Variants in EGLN2 observed in about 807,000 individuals in gnomAD.
EGLN2 encodes the protein prolyl hydroxylase EGLN2.
EGLN2 carries 15 observed loss-of-function variants against 38.2 expected under a neutral mutation model. The observed-to-expected ratio is 0.39, with a 90% CI of 0.26 to 0.60. EGLN2 has a LOEUF of 0.60. Among genes scored for constraint, EGLN2 ranks in the 20% least tolerant of loss-of-function variants. EGLN2 has a pLI of 0.50. For synonymous variants in EGLN2, 284 were observed against 237.4 expected (o/e 1.20, Z -1.81); for missense variants, 492 against 570.4 (o/e 0.86, Z 1.40).
Position 40,806,675 on chromosome 19 carries a change from GT to G in EGLN2, c.963+2del. 2 of 1,613,950 alleles carry G rather than the reference GT, an allele frequency of 1.2e-6. No individual in the cohort carries two copies. The highest frequency in any genetic ancestry group is 1.7e-6 in the Non-Finnish European group (2 of 1,179,902). On this transcript the variant is annotated splice_donor_variant, in intron 3 of 5. Transcript: ENST00000303961. LOFTEE classifies it high-confidence loss of function. ...CCTGAATCAGAACTGGGACGTTAAG[GT>G]AGGGGTGAGGGTGAGGGTGAGGGTG...
chr19:40,801,029 A>G lies in EGLN2; in HGVS notation c.457A>G (p.Ser153Gly). ...EAEREGGMSCSCSSGSGEASA... is the reference protein window; with the variant it reads ...EAEREGGMSCGCSSGSGEASA... ...AGAGCGGGAGGGTGGCATGAGCTGC[A>G]GCTGCAGCAGTGGCAGTGGTGAGGC... is the stretch of plus-strand genomic sequence containing the variant. Residue 153 changes from serine to glycine, a missense_variant, in exon 2 of 6, where the codon AGC becomes GGC. By Grantham distance (56) the Ser-to-Gly change is moderately conservative. Transcript: ENST00000303961. 1 of 1,613,170 alleles carries G rather than the reference A, an allele frequency of 6.2e-7. No individual in the cohort carries two copies. Among genetic ancestry groups the G allele is most frequent in the Non-Finnish European group, 8.5e-7 (1 of 1,179,846 alleles).
Position 40,800,788 on chromosome 19 carries a change from T to G in EGLN2, c.216T>G (p.Thr72=). ...CCAGAGCCACAGCCACCTCTACCAC[T>G]GCCAGCCCTCTTCGGGACGGTTTTG... ...GTPRATATST[T]ASPLRDGFGG... Residue 72 remains threonine, a synonymous_variant, in exon 2 of 6, where the codon ACT becomes ACG. Coordinates refer to ENST00000303961, the MANE Select transcript of EGLN2 (RefSeq NM_080732.4). The G allele has an allele frequency of 6.2e-7, 1 of 1,613,576 alleles. No individual in the cohort carries two copies. The highest frequency in any genetic ancestry group is 1.1e-5 in the South Asian group (1 of 91,050).
intron 3 of EGLN2, 100 bp from the exon 4 acceptor site, chr19:40,807,038 T>G (rs1289596645): frequency 1.9e-5 from 30 of 1,555,676 alleles, no homozygotes; most frequent in Non-Finnish European, 2.6e-5. Flanking sequence ...GAGGGAGTGA[T>G]GCAGGCAGAC....
At chr19:40,805,520 G>C (rs2083294882) in intron 2 of EGLN2, 1 of 152,252 alleles carries the variant, frequency 6.6e-6, no homozygotes, top group Non-Finnish European at 1.5e-5. Context: ...CCTGAGACCA[G>C]GAAGTCACCT....
At chr19:40,802,284 G>A (rs777165013) in intron 2 of EGLN2, among the ~76,000 whole-genome samples, 7 of 152,122 alleles carry the variant, frequency 4.6e-5, no homozygotes, top group Non-Finnish European at 8.8e-5. Flanking sequence ...CCCCACTGTG[G>A]CATCTGCATC....
intron 4 of EGLN2, 94 bp downstream of exon 4, chr19:40,807,368 G>T: frequency 1.2e-6 from 2 of 1,604,340 alleles, no homozygotes; most frequent in Non-Finnish European, 1.7e-6. Context: ...ACGAAGTATT[G>T]AGAGGGGGCC....
In EGLN2 at chr19:40,800,989, A is replaced by G. The variant is rs561741910; in HGVS notation, c.417A>G (p.Gln139=). ...PSPSKRPWAR[Q]ENQEAEREGG... The stretch of plus-strand genomic sequence containing the variant: ...CCAGCAAACGGCCCTGGGCCAGGCA[A>G]GAGAACCAGGAGGCAGAGCGGGAGG... The change falls in exon 2 of 6, where the codon CAA becomes CAG. Residue 139 remains glutamine, a synonymous_variant. Coordinates refer to ENST00000303961, the MANE Select transcript of EGLN2 (RefSeq NM_080732.4). 7.1e-5 allele frequency: 114 copies of G among 1,612,768 alleles called. No homozygotes were observed. Among genetic ancestry groups the G allele is most frequent in the Non-Finnish European group, 9.2e-5 (108 of 1,179,650 alleles).
At position 40,807,487 on chromosome 19, in the gene EGLN2, C is replaced by T. The variant is rs35362523; in HGVS notation, c.1104C>T (p.Tyr368=). 153 of 1,614,110 alleles carry T rather than the reference C, an allele frequency of 9.5e-5. No individual in the cohort carries two copies. In the African/African-American group the frequency reaches 9.9e-4, roughly 10 times the overall value. The change falls in exon 5 of 6, where the codon TAC becomes TAT. Residue 368 remains tyrosine (Y), a synonymous_variant. Coordinates refer to ENST00000303961, the MANE Select transcript of EGLN2 (RefSeq NM_080732.4). ...HEVKPAYATR[Y]AITVWYFDAK... ...GTCCAACCACCCTGGTCTCCAGGTA[C>T]GCCATCACTGTCTGGTATTTTGATG...
At chr19:40,800,240 C>T (rs2083243652) in intron 1 of EGLN2, 99 bp from the exon 2 acceptor site, 1 of 294,908 alleles carries the variant, frequency 3.4e-6, no homozygotes, top group African/African-American at 2.1e-5. Context: ...CAAGTCTGTC[C>T]TGGTCGTCTT....
In EGLN2 at chr19:40,800,392, C is replaced by A; in HGVS notation, c.-181C>A. On this transcript the variant is annotated 5_prime_UTR_variant, in exon 2 of 6. Transcript: ENST00000303961. The stretch of plus-strand genomic sequence containing the variant: ...TTAGGGACCGCAGAGGACTTGGGGA[C>A]CAGCAAGCAACCCCCAGGGCACGAG... The A allele has an allele frequency of 1.1e-6, 1 of 937,644 alleles. No homozygotes were observed. The highest frequency in any genetic ancestry group is 1.5e-6 in the Non-Finnish European group (1 of 649,950). 58.1% of individuals were successfully genotyped at this position (937,644 alleles called of 1,614,324 possible).
chr19:40,806,429 C>A lies in EGLN2; in HGVS notation c.844-126C>A, dbSNP rs1433186364. 7 of 1,513,450 alleles carry A rather than the reference C, an allele frequency of 4.6e-6. No homozygotes were observed. In the African/African-American group the frequency reaches 5.5e-5, roughly 12 times the overall value. 93.8% of individuals were successfully genotyped at this position (1,513,450 alleles called of 1,614,324 possible). A position where few individuals can be genotyped will look rare whatever the true frequency, so the allele number is the denominator to read the frequency against. ...AGTCTTTTGGGGCAGGAGCTTGGAACCCTTGACCCAAGGAGTCATGGGGAA... is the reference window on the plus strand; with the variant it reads ...AGTCTTTTGGGGCAGGAGCTTGGAAACCTTGACCCAAGGAGTCATGGGGAA... On this transcript the variant is annotated intron_variant, in intron 2 of 5. Coordinates refer to ENST00000303961, the MANE Select transcript of EGLN2 (RefSeq NM_080732.4).
At position 40,801,160 on chromosome 19, in the gene EGLN2, C is replaced by G; in HGVS notation, c.588C>G (p.Ser196Arg). 3 of 1,612,966 alleles carry G rather than the reference C, an allele frequency of 1.9e-6. No homozygotes were observed. The highest frequency in any genetic ancestry group is 2.2e-5 in the South Asian group (2 of 91,090). ...MRYYGICVKD[S>R]FLGAALGGRV... ...ACTACGGCATCTGCGTCAAGGACAG[C>G]TTCCTGGGGGCAGCACTGGGCGGTC... The change falls in exon 2 of 6, where the codon AGC (serine) becomes AGG (arginine). Residue 196 changes from serine (S) to arginine (R), a missense_variant. Physicochemically the swap from Ser to Arg is moderately radical, Grantham distance 110 (BLOSUM62 -1). Around this residue, in one of 2 missense-constraint regions of EGLN2, gnomAD observed 378 missense variants for 386.2 expected, o/e 0.98. Coordinates refer to ENST00000303961, the MANE Select transcript of EGLN2 (RefSeq NM_080732.4).
Position 40,808,042 on chromosome 19 carries a change from C to T in EGLN2, c.*178C>T. On this transcript the variant is annotated 3_prime_UTR_variant, in exon 6 of 6. Transcript: ENST00000303961. ...AGGAGGAGAAGAGACCTTTGCTGCC[C>T]CATCATGGGGGCTGGGGTTGTCACC... 6.1e-6 allele frequency: 4 copies of T among 657,984 alleles called. No individual in the cohort carries two copies. The South Asian group carries it at 7.5e-5, about 12-fold the overall frequency. The allele number at this position is 657,984 out of a possible 1,614,324, so 40.8% of individuals were successfully genotyped here.
In EGLN2 at chr19:40,807,529, A is replaced by T. The variant is rs748480774; in HGVS notation, c.1146A>T (p.Ala382=). 1 of 1,614,088 alleles carries T rather than the reference A, an allele frequency of 6.2e-7. No homozygotes were observed. The highest frequency in any genetic ancestry group is 1.3e-5 in the African/African-American group (1 of 74,936). Residue 382 remains alanine (A), a synonymous_variant, in exon 5 of 6, where the codon GCA becomes GCT. Transcript: ENST00000303961. ...VWYFDAKERA[A]AKDKYQLASG... Reference sequence around the variant, plus strand: ...ATTTTGATGCCAAGGAGCGGGCAGCAGCCAAAGACAAGTATCAGCTAGGTA... The same window carrying T: ...ATTTTGATGCCAAGGAGCGGGCAGCTGCCAAAGACAAGTATCAGCTAGGTA...
Position 40,807,980 on chromosome 19 carries a change from G to T in EGLN2, c.*116G>T, listed in dbSNP as rs2083318300. On this transcript the variant is annotated 3_prime_UTR_variant, in exon 6 of 6. Coordinates refer to ENST00000303961, the MANE Select transcript of EGLN2 (RefSeq NM_080732.4). ...CTGCTTCTGACTTTGCCTCTGTCCT[G>T]CCTGGTGTGGAGGGCTCTGTCTGTT... is the stretch of plus-strand genomic sequence containing the variant. 2.9e-6 allele frequency: 3 copies of T among 1,025,480 alleles called. No individual in the cohort carries two copies. The highest frequency in any genetic ancestry group is 2.9e-6 in the Non-Finnish European group (2 of 680,244). The allele number at this position is 1,025,480 out of a possible 1,614,324, so 63.5% of individuals were successfully genotyped here. A position where few individuals can be genotyped will look rare whatever the true frequency, so the allele number is the denominator to read the frequency against.
chr19:40,807,992 G>T lies in EGLN2; in HGVS notation c.*128G>T. The T allele has an allele frequency of 1.1e-6, 1 of 914,656 alleles. No homozygotes were observed. 56.7% of individuals were successfully genotyped at this position (914,656 alleles called of 1,614,324 possible). Reference sequence around the variant, plus strand: ...TTGCCTCTGTCCTGCCTGGTGTGGAGGGCTCTGTCTGTTGCTGAGGACCAA... The same window carrying T: ...TTGCCTCTGTCCTGCCTGGTGTGGATGGCTCTGTCTGTTGCTGAGGACCAA... On this transcript the variant is annotated 3_prime_UTR_variant, in exon 6 of 6. Coordinates refer to ENST00000303961, the MANE Select transcript of EGLN2 (RefSeq NM_080732.4).
At chr19:40,803,565 G>C (rs1033687686) in intron 2 of EGLN2, among the ~76,000 whole-genome samples, 2 of 152,118 alleles carry the variant, frequency 1.3e-5, no homozygotes, top group African/African-American at 2.4e-5. Flanking sequence ...AGCAGTTGCC[G>C]TGGGGACATG....
At position 40,800,916 on chromosome 19, in the gene EGLN2, A is replaced by G; in HGVS notation, c.344A>G (p.Glu115Gly). ...TTGGCAGCCCAGGGCGCACGGCCTG[A>G]GGCCCCCAAACGGAAATGGGCCGAG... ...QRLAAQGARP[E>G]APKRKWAEDG... Residue 115 changes from glutamate (E) to glycine (G), a missense_variant, in exon 2 of 6, where the codon GAG (glutamate) becomes GGG (glycine). By Grantham distance (98) the Glu-to-Gly change is moderately conservative. This residue lies in a region of EGLN2 where 378 missense variants were observed against 386.2 expected (regional missense o/e 0.98). Transcript: ENST00000303961. The G allele has an allele frequency of 6.2e-7, 1 of 1,609,628 alleles. No individual in the cohort carries two copies.
At chr19:40,801,558 A>G (rs551420860) in intron 2 of EGLN2, 143 bp downstream of exon 2, 12 of 1,147,932 alleles carry the variant, frequency 1.0e-5, no homozygotes, top group African/African-American at 4.7e-5. Flanking sequence ...GGGTATGCTT[A>G]CTTGTGGGGA....
Sources: allele counts gnomAD v4.1 joint callset (sites outside exome capture counted in the v4.1 genomes callset), GRCh38; gene constraint gnomAD v4.1.1; regional missense constraint gnomAD v4.1.1; transcripts MANE v1.5; gene names NCBI Gene and HGNC (gene_info 2026-07-23, HGNC 2026-07-21).